Variants in NREP observed in about 807,000 individuals in gnomAD.
The protein encoded by NREP is neuronal regeneration related protein.
A neutral mutation model predicts 8.6 loss-of-function variants in NREP; 5 were observed. The observed-to-expected ratio is 0.58, with a 90% confidence interval of 0.30 to 1.22. The LOEUF (loss-of-function observed/expected upper bound fraction) is 1.22. Ranked by LOEUF, NREP falls within the 50% of genes most tolerant of loss-of-function variation. NREP has a pLI of 0.07. For missense variants in NREP, 86 were observed against 82.5 expected (o/e 1.04, Z -0.17); for synonymous variants, 27 against 28.0 (o/e 0.96, Z 0.11).
In NREP at chr5:111,893,023, A is replaced by G. The variant is rs115380464; in HGVS notation, c.135+82251T>C. On this transcript the variant is annotated intron_variant, in intron 2 of 3. Coordinates refer to the NREP transcript ENST00000395634. ...TTGATTCACCATGTTTGCCATTGAC[A>G]TACCCACAGCAGGTCTCATGATATT... Among the ~76,000 whole-genome samples, 518 of 152,336 alleles carry G rather than the reference A, an allele frequency of 3.4e-3. 6 individuals carry two copies. The highest frequency in any genetic ancestry group is 0.016 in the South Asian group (78 of 4,830).
At chr5:111,847,859 G>C (rs1044934214) in intron 2 of NREP, among the ~76,000 whole-genome samples, 2 of 152,142 alleles carry the variant, frequency 1.3e-5, no homozygotes, top group Non-Finnish European at 2.9e-5. Flanking sequence ...CAAAACCACT[G>C]GTTGTATCAA....
At chr5:111,867,058 C>G (rs1255529567) in intron 2 of NREP, among the ~76,000 whole-genome samples, 1 of 151,664 alleles carries the variant, frequency 6.6e-6, no homozygotes, top group Non-Finnish European at 1.5e-5. Context: ...TGACGAGTTA[C>G]TGGGTGCAGC....
chr5:111,905,527 G>A (rs1319714104), intron 2 of NREP, among the ~76,000 whole-genome samples: 1 of 152,106 alleles, frequency 6.6e-6, no homozygotes, highest in African/African-American at 2.4e-5. Context: ...ATAGACCGTG[G>A]CTTAAATTAT....
chr5:111,758,816 T>C (rs1246662642), upstream of NREP, among the ~76,000 whole-genome samples: 1 of 152,260 alleles, frequency 6.6e-6, no homozygotes, highest in Non-Finnish European at 1.5e-5. Context: ...TCTAAAAGAA[T>C]GCACTGAGTT....
At chr5:111,906,098 T>A (rs2112555812) in intron 2 of NREP, among the ~76,000 whole-genome samples, 1 of 152,230 alleles carries the variant, frequency 6.6e-6, no homozygotes, top group South Asian at 2.1e-4. Context: ...AAAACATTTA[T>A]GAATTACAGA....
At chr5:111,927,347 T>C (rs561938480) in intron 2 of NREP, among the ~76,000 whole-genome samples, 2 of 152,200 alleles carry the variant, frequency 1.3e-5, no homozygotes, top group South Asian at 4.2e-4. Context: ...AACCACATGA[T>C]AAGCAATCCA....
chr5:111,795,761 A>C (rs1328112680), intron 2 of NREP, among the ~76,000 whole-genome samples: 2 of 152,234 alleles, frequency 1.3e-5, no homozygotes, highest in Non-Finnish European at 2.9e-5. Context: ...AATAGGTCAA[A>C]AGTATATAAA....
intron 2 of NREP, among the ~76,000 whole-genome samples, chr5:111,798,734 GGT>G (rs571252142): frequency 0.079 from 10,668 of 135,552 alleles, 344 homozygotes; most frequent in Non-Finnish European, 0.099. Context: ...AGTATTCCAT[GGT>G]GTGTGTGTGT....
At position 111,824,334 on chromosome 5, in the gene NREP, A is replaced by T. The variant is rs184993927; in HGVS notation, c.136-88827T>A. On this transcript the variant is annotated intron_variant, in intron 2 of 3. Coordinates refer to the NREP transcript ENST00000395634. ...CAGTGAGCAGAAATCACGCCACTGC[A>T]CTCCAGCCTGGACGACAGAGCGAGA... Among the ~76,000 whole-genome samples, 4 of 152,302 alleles carry T rather than the reference A, an allele frequency of 2.6e-5. No individual in the cohort carries two copies. The East Asian group carries it at 7.7e-4, about 29-fold the overall frequency.
At chr5:111,731,094 A>AAATT (rs774055780) in intron 3 of NREP, 48 bp from the exon 4 acceptor site, 11 of 1,594,098 alleles carry the variant, frequency 6.9e-6, no homozygotes, top group Non-Finnish European at 8.6e-6. Context: ...ATAAAAGACA[A>AAATT]AATTAGTCAT....
intron 2 of NREP, among the ~76,000 whole-genome samples, chr5:111,875,260 C>G (rs1370786229): frequency 4.0e-5 from 6 of 151,784 alleles, no homozygotes; most frequent in African/African-American, 1.5e-4. Context: ...AATACATACT[C>G]TAAAAACATC....
At chr5:111,963,304 T>C (rs1337338334) in intron 2 of NREP, among the ~76,000 whole-genome samples, 1 of 152,178 alleles carries the variant, frequency 6.6e-6, no homozygotes, top group African/African-American at 2.4e-5. Context: ...GCCAAGTAAA[T>C]GGGGCACCCC....
chr5:111,823,189 A>C (rs1752548804), intron 2 of NREP, among the ~76,000 whole-genome samples: 1 of 152,146 alleles, frequency 6.6e-6, no homozygotes, highest in Non-Finnish European at 1.5e-5. Flanking sequence ...TCTCACAAGA[A>C]CTAATAGAGT....
chr5:111,781,425 C>A (rs753430819), intron 2 of NREP, among the ~76,000 whole-genome samples: 22 of 152,102 alleles, frequency 1.4e-4, no homozygotes, highest in Non-Finnish European at 2.8e-4. Context: ...GCATTAACCA[C>A]TAAAAATGTG....
chr5:111,845,931 C>T (rs1019288218), intron 2 of NREP: 6 of 151,340 alleles, frequency 4.0e-5, no homozygotes, highest in Non-Finnish European at 8.8e-5. Flanking sequence ...ATGTTAAGTG[C>T]ACAACTATGA....
At chr5:111,945,862 C>T (rs1056503881) in intron 2 of NREP, among the ~76,000 whole-genome samples, 3 of 152,002 alleles carry the variant, frequency 2.0e-5, no homozygotes, top group African/African-American at 7.2e-5. Context: ...CTCATTTAGA[C>T]AGCATCAGCA....
Position 111,731,021 on chromosome 5 carries a change from A to G in NREP, c.107T>C (p.Val36Ala). 2 of 1,613,942 alleles carry G rather than the reference A, an allele frequency of 1.2e-6. No homozygotes were observed. The highest frequency in any genetic ancestry group is 1.7e-6 in the Non-Finnish European group (2 of 1,179,854). The change falls in exon 4 of 4, where the codon GTG becomes GCG. Residue 36 changes from valine (V) to alanine (A), a missense_variant. Transcript: ENST00000257435. Reference sequence around the variant, plus strand: ...TGTCTCATCGTTCTTCTTGCGGTTCACTTCCTTTGGGACAGGAAGTCTTCC... The same window carrying G: ...TGTCTCATCGTTCTTCTTGCGGTTCGCTTCCTTTGGGACAGGAAGTCTTCC... The part of the protein sequence containing the change: ...PKGRLPVPKE[V>A]NRKKNDETNA...
chr5:111,955,182 G>C (rs1224965197), intron 2 of NREP, among the ~76,000 whole-genome samples: 1 of 152,120 alleles, frequency 6.6e-6, no homozygotes, highest in African/African-American at 2.4e-5. Flanking sequence ...GTGAGAGCCA[G>C]CTCTCAGAGT....
Position 111,935,580 on chromosome 5 carries a change from AG to A in NREP, c.135+39693del, listed in dbSNP as rs371545793. On this transcript the variant is annotated intron_variant, in intron 2 of 3. Transcript: ENST00000395634. ...GGCAGAGATAAAGGCAGCTTGATCA[AG>A]TTTCCACTTTTCCAATAAGAATAAA... Among the ~76,000 whole-genome samples, 86 of 152,240 alleles carry A rather than the reference AG, an allele frequency of 5.6e-4. 1 individual carries two copies. The South Asian group carries it at 0.017, about 30-fold the overall frequency.
Sources: gnomAD v4.1 joint callset for allele counts (sites outside exome capture counted in the v4.1 genomes callset) on GRCh38, gnomAD v4.1.1 for gene constraint, MANE v1.5 for transcripts, NCBI Gene and HGNC (gene_info 2026-07-23, HGNC 2026-07-21) for gene names.